The following INSR variants were observed in gnomAD, a reference collection of about 807,000 sequenced individuals.
INSR encodes the protein IR.
A neutral mutation model predicts 142.6 loss-of-function variants in INSR; 67 were observed. The observed-to-expected ratio is 0.47, with a 90% confidence interval of 0.39 to 0.58. The LOEUF (loss-of-function observed/expected upper bound fraction) is 0.58, where lower values mean the gene tolerates loss of function less well. INSR is among the 20% of genes least tolerant of loss of function. INSR has a pLI of 0.00. For synonymous variants in INSR, 756 were observed against 743.1 expected, an observed-to-expected ratio of 1.02 and a Z score of -0.28; for missense variants, 1,248 against 1,833.2, an observed-to-expected ratio of 0.68 and a Z score of 5.83.
chr19:7,268,348 C>A, intron 1 of INSR: 1 of 799,218 alleles, frequency 1.3e-6, no homozygotes, highest in Non-Finnish European at 1.5e-6. Context: ...CCTCCCACCT[C>A]GCTGGCTGAC....
rs62124492 is a variant in INSR, at chr19:7,125,901, G to T, written c.3014-374C>A. On this transcript the variant is annotated intron_variant, in intron 16 of 21. Coordinates refer to ENST00000302850, the MANE Select transcript of INSR (RefSeq NM_000208.4). The surrounding 1 kb of genome is among the most constrained non-coding windows in gnomAD (Gnocchi z 4.9). ...GATGGAAGACAGGTTGTAATAGGTT[G>T]GGGAAAAAAAAAGCCAGGATACTTG... Among the ~76,000 whole-genome samples, 4 of 151,940 alleles carry T rather than the reference G, an allele frequency of 2.6e-5. No individual in the cohort carries two copies. Among genetic ancestry groups the T allele is most frequent in the African/African-American group, 9.7e-5 (4 of 41,392 alleles).
chr19:7,203,717 G>A (rs1975028688), intron 2 of INSR, among the ~76,000 whole-genome samples: 1 of 152,118 alleles, frequency 6.6e-6, no homozygotes, highest in African/African-American at 2.4e-5. Flanking sequence ...GGACACAGGT[G>A]CCCATGGGGA....
chr19:7,244,777 C>T (rs1262938329), intron 2 of INSR, among the ~76,000 whole-genome samples: 1 of 152,128 alleles, frequency 6.6e-6, no homozygotes, highest in Admixed American at 6.6e-5. Context: ...TATTGAAAAT[C>T]AGTCAGATTT....
In INSR at chr19:7,265,478, C is replaced by T. The variant is rs1041267308; in HGVS notation, c.652+1867G>A. Among the ~76,000 whole-genome samples, 10 of 152,088 alleles carry T rather than the reference C, an allele frequency of 6.6e-5. No individual in the cohort carries two copies. In the South Asian group the frequency reaches 8.3e-4, roughly 13 times the overall value. On this transcript the variant is annotated intron_variant, in intron 2 of 21. Transcript: ENST00000302850. ...AATATAGGCTGGGCGCGGTGGCTCACGCCTGTAATCCCAACACTTTGGGAG... is the reference window on the plus strand; with the variant it reads ...AATATAGGCTGGGCGCGGTGGCTCATGCCTGTAATCCCAACACTTTGGGAG...
At chr19:7,187,871 A>C (rs1472689605) in intron 2 of INSR, among the ~76,000 whole-genome samples, 1 of 152,106 alleles carries the variant, frequency 6.6e-6, no homozygotes, top group African/African-American at 2.4e-5. Flanking sequence ...TGTGCCTGAC[A>C]CAATTCCAAT....
intron 13 of INSR, among the ~76,000 whole-genome samples, chr19:7,140,787 G>C (rs76342346): frequency 3.2e-5 from 2 of 62,316 alleles, no homozygotes; most frequent in African/African-American, 1.3e-4. Flanking sequence ...TTTTTTTTTT[G>C]CCTAGCTGTC....
At position 7,113,452 on chromosome 19, in the gene INSR, G is replaced by C. The variant is rs754290771; in HGVS notation, c.*3604C>G. 1 of 152,140 alleles carries C rather than the reference G, an allele frequency of 6.6e-6. No homozygotes were observed. The allele number at this position is 152,140 out of a possible 1,614,324, so 9.4% of individuals were successfully genotyped here. A position where few individuals can be genotyped will look rare whatever the true frequency, so the allele number is the denominator to read the frequency against. ...CAATGATGAAACAGCACCTAGGACA[G>C]CTCCTAAAACCTGAACATTTTCTGA... On this transcript the variant is annotated 3_prime_UTR_variant, in exon 22 of 22. Transcript: ENST00000302850.
In INSR at chr19:7,147,256, C is replaced by G. The variant is rs1973207103; in HGVS notation, c.2267+3241G>C. Among the ~76,000 whole-genome samples the G allele has an allele frequency of 3.3e-5, 5 of 152,054 alleles. No individual in the cohort carries two copies. The South Asian group carries it at 1.0e-3, about 32-fold the overall frequency. On this transcript the variant is annotated intron_variant, in intron 11 of 21. Transcript: ENST00000302850. ...GTGGCGTGATCTCGGCTCACTGCAACCTCCACCTCCCAGGTTCAAGTGATT... is the reference window on the plus strand; with the variant it reads ...GTGGCGTGATCTCGGCTCACTGCAAGCTCCACCTCCCAGGTTCAAGTGATT...
intron 2 of INSR, among the ~76,000 whole-genome samples, chr19:7,203,213 A>G (rs1030956950): frequency 1.3e-5 from 2 of 152,036 alleles, no homozygotes; most frequent in Non-Finnish European, 2.9e-5. Context: ...TTGCATTTCC[A>G]ACAATTTGCT....
At chr19:7,181,392 G>A (rs1974270945) in intron 3 of INSR, among the ~76,000 whole-genome samples, 1 of 152,184 alleles carries the variant, frequency 6.6e-6, no homozygotes, top group African/African-American at 2.4e-5. Flanking sequence ...AGAAGTGAGA[G>A]AGGCCAAGAA....
intron 2 of INSR, among the ~76,000 whole-genome samples, chr19:7,215,372 T>C (rs1038815414): frequency 1.3e-5 from 2 of 151,918 alleles, no homozygotes; most frequent in Non-Finnish European, 2.9e-5. Context: ...AACACCACAA[T>C]GATCTCCCAG....
chr19:7,117,204 T>A lies in INSR; in HGVS notation c.4001A>T (p.His1334Leu). The change falls in exon 22 of 22, where the codon CAC becomes CTC. Residue 1334 changes from histidine (H) to leucine (L), a missense_variant. By Grantham distance (99) the His-to-Leu change is moderately conservative (BLOSUM62 -3). Around this residue, in one of 3 missense-constraint regions of INSR, gnomAD observed 122 missense variants for 129.8 expected, o/e 0.94. Transcript: ENST00000302850. ...GCCCCCCGCCTCCTCCCTCTGACAG[T>A]GCGAGGAACGGTCCAGGGGCACATT... The part of the protein sequence containing the change: ...MENVPLDRSS[H>L]CQREEAGGRD... 1 of 1,614,076 alleles carries A rather than the reference T, an allele frequency of 6.2e-7. No homozygotes were observed. The highest frequency in any genetic ancestry group is 8.5e-7 in the Non-Finnish European group (1 of 1,179,990).
chr19:7,230,852 G>A (rs1285815051), intron 2 of INSR, among the ~76,000 whole-genome samples: 1 of 151,998 alleles, frequency 6.6e-6, no homozygotes, highest in Non-Finnish European at 1.5e-5. Context: ...CCTCCTCTAG[G>A]AGAGATTAGG....
intron 9 of INSR, among the ~76,000 whole-genome samples, chr19:7,161,572 G>C (rs1360359875): frequency 6.6e-6 from 1 of 152,058 alleles, no homozygotes; most frequent in Non-Finnish European, 1.5e-5. Context: ...GAAAGTATGG[G>C]GTGGGGGATA....
At chr19:7,160,664 T>C (rs1239359277) in intron 9 of INSR, among the ~76,000 whole-genome samples, 1 of 151,716 alleles carries the variant, frequency 6.6e-6, no homozygotes, top group Admixed American at 6.6e-5. Flanking sequence ...AAGTGACAGA[T>C]GCTTCTCCAG....
intron 11 of INSR, among the ~76,000 whole-genome samples, chr19:7,148,477 C>CTTTTTTTTTTTTTTTTTTT (rs71177160): frequency 3.2e-5 from 3 of 95,046 alleles, no homozygotes; most frequent in African/African-American, 9.0e-5. Context: ...TGTATTTATT[C>CTTTTTTTTTTTTTTTTTTT]TTTTTTTTTT....
chr19:7,143,168 G>A, intron 11 of INSR, 78 bp from the exon 12 acceptor site: 1 of 1,504,900 alleles, frequency 6.6e-7, no homozygotes, highest in Non-Finnish European at 9.2e-7. Flanking sequence ...AGAATAAAAG[G>A]CTTGATTAAG....
intron 11 of INSR, among the ~76,000 whole-genome samples, chr19:7,143,781 G>T (rs375803903): frequency 3.2e-4 from 49 of 152,330 alleles, no homozygotes; most frequent in African/African-American, 1.2e-3. Flanking sequence ...TAGGCTGGGC[G>T]AGGTGGCTCA....
intron 21 of INSR, among the ~76,000 whole-genome samples, chr19:7,118,119 G>A (rs1972382265): frequency 6.6e-6 from 1 of 151,384 alleles, no homozygotes; most frequent in South Asian, 2.1e-4. Context: ...ACTGGCTCAA[G>A]AGTAATCCCA....
Sources: gnomAD v4.1 joint callset for allele counts (sites outside exome capture counted in the v4.1 genomes callset) on GRCh38, gnomAD v4.1.1 for gene constraint, gnomAD v4.1.1 regional missense constraint, Gnocchi (gnomAD v3.1) non-coding constraint, MANE v1.5 for transcripts, NCBI Gene and HGNC (gene_info 2026-07-23, HGNC 2026-07-21) for gene names.